BMP2K: variants seen among roughly 807,000 people sequenced by gnomAD.
BMP2K encodes BMP2 inducible kinase.
BMP2K carries 74 observed loss-of-function variants against 116.0 expected under a neutral mutation model. That is an observed-to-expected ratio of 0.64 (90% CI 0.53 to 0.77). The LOEUF is 0.77. BMP2K is among the 30% of genes least tolerant of loss of function. BMP2K has a pLI of 0.00. For missense variants in BMP2K, 1,365 were observed against 1,403.6 expected (o/e 0.97, Z 0.44); for synonymous variants, 486 against 502.5 (o/e 0.97, Z 0.44).
chr4:78,831,152 G>A (rs954282093), intron 2 of BMP2K, among the ~76,000 whole-genome samples: 5 of 152,184 alleles, frequency 3.3e-5, no homozygotes, highest in African/African-American at 1.2e-4. Flanking sequence ...CCTGAGGAAC[G>A]GCTAGCCGGT....
At chr4:78,797,268 A>C (rs2109947271) in intron 1 of BMP2K, among the ~76,000 whole-genome samples, 1 of 152,306 alleles carries the variant, frequency 6.6e-6, no homozygotes, top group South Asian at 2.1e-4. Context: ...TTGTTTCCAC[A>C]GATCGCATTC....
intron 1 of BMP2K, among the ~76,000 whole-genome samples, chr4:78,799,151 T>A (rs1199179805): frequency 6.6e-6 from 1 of 152,166 alleles, no homozygotes; most frequent in Non-Finnish European, 1.5e-5. Context: ...CCAATTTACA[T>A]TGACAGTTTA....
At chr4:78,903,989 T>C (rs1298052070) in intron 15 of BMP2K, among the ~76,000 whole-genome samples, 1 of 151,966 alleles carries the variant, frequency 6.6e-6, no homozygotes, top group Non-Finnish European at 1.5e-5. Flanking sequence ...AGGTCTCAGA[T>C]TTCTTACGTA....
intron 15 of BMP2K, among the ~76,000 whole-genome samples, chr4:78,905,077 A>G (rs1477817711): frequency 6.6e-6 from 1 of 151,816 alleles, no homozygotes; most frequent in Non-Finnish European, 1.5e-5. Context: ...TCTACTTAGT[A>G]TTATGTTTTG....
At chr4:78,842,712 A>G (rs977118417) in intron 4 of BMP2K, among the ~76,000 whole-genome samples, 185 bp downstream of exon 4, 2 of 151,970 alleles carry the variant, frequency 1.3e-5, no homozygotes, top group Non-Finnish European at 2.9e-5. Flanking sequence ...GACTTTGAGG[A>G]TTTCTAGCAT....
intron 1 of BMP2K, among the ~76,000 whole-genome samples, chr4:78,818,850 G>A (rs1376416123): frequency 6.7e-6 from 1 of 149,292 alleles, no homozygotes; most frequent in African/African-American, 2.5e-5. Flanking sequence ...AGGCTGGAGT[G>A]CAGTGGTATG....
chr4:78,833,349 G>T (rs1730300763), intron 2 of BMP2K, among the ~76,000 whole-genome samples: 1 of 152,096 alleles, frequency 6.6e-6, no homozygotes. Flanking sequence ...CATTTTCACA[G>T]TTCAATTTAA....
chr4:78,802,949 A>G (rs1365480461), intron 1 of BMP2K, among the ~76,000 whole-genome samples: 1 of 151,668 alleles, frequency 6.6e-6, no homozygotes, highest in African/African-American at 2.4e-5. Flanking sequence ...TCCCAGGTTT[A>G]TGCAGTTCTC....
In BMP2K at chr4:78,914,281, C is replaced by A. The variant is rs1185450260; in HGVS notation, c.*2248C>A. On this transcript the variant is annotated 3_prime_UTR_variant, in exon 16 of 16. Coordinates refer to ENST00000502613, the MANE Select transcript of BMP2K (RefSeq NM_198892.2). ...TAAATGATTCTGACACTGATGTAGACCCTTTGACTTATAAATTCTGAGGAA... is the reference window on the plus strand; with the variant it reads ...TAAATGATTCTGACACTGATGTAGAACCTTTGACTTATAAATTCTGAGGAA... The A allele has an allele frequency of 6.6e-6, 1 of 151,984 alleles. No homozygotes were observed. The highest frequency in any genetic ancestry group is 6.6e-5 in the Admixed American group (1 of 15,242). 9.4% of individuals were successfully genotyped at this position (151,984 alleles called of 1,614,324 possible). A position where few individuals can be genotyped will look rare whatever the true frequency, so the allele number is the denominator to read the frequency against.
chr4:78,904,053 T>C (rs1050935948), intron 15 of BMP2K, among the ~76,000 whole-genome samples: 3 of 151,950 alleles, frequency 2.0e-5, no homozygotes, highest in Admixed American at 6.6e-5. Flanking sequence ...TTTCAAGATA[T>C]AATTGGAATT....
chr4:78,898,684 C>T (rs1733838604), intron 15 of BMP2K, among the ~76,000 whole-genome samples: 1 of 150,346 alleles, frequency 6.7e-6, no homozygotes, highest in Non-Finnish European at 1.5e-5. Context: ...CATTGCTCCT[C>T]AAAGTGTGGT....
In BMP2K at chr4:78,861,083, G is replaced by C. The variant is rs964372251; in HGVS notation, c.988-306G>C. On this transcript the variant is annotated intron_variant, in intron 8 of 15. Coordinates refer to ENST00000502613, the MANE Select transcript of BMP2K (RefSeq NM_198892.2). ...AAATGTAAAATAGTTATTGATTTAC[G>C]AGTGTAATATAATCTTTCTTTTTAC... Among the ~76,000 whole-genome samples, 3 of 151,704 alleles carry C rather than the reference G, an allele frequency of 2.0e-5. No homozygotes were observed. The East Asian group carries it at 5.8e-4, about 29-fold the overall frequency.
At chr4:78,783,998 A>G (rs1222449363) in intron 1 of BMP2K, among the ~76,000 whole-genome samples, 1 of 152,136 alleles carries the variant, frequency 6.6e-6, no homozygotes, top group Non-Finnish European at 1.5e-5. Context: ...ATTTGTTAGT[A>G]TGTTTCATCA....
intron 1 of BMP2K, among the ~76,000 whole-genome samples, chr4:78,802,349 A>G (rs371608161): frequency 1.3e-5 from 2 of 152,166 alleles, no homozygotes; most frequent in Admixed American, 6.5e-5. Context: ...ATCTGCTTCC[A>G]TGATTATTTT....
chr4:78,844,275 A>G (rs763037678), intron 4 of BMP2K, among the ~76,000 whole-genome samples: 7 of 151,718 alleles, frequency 4.6e-5, no homozygotes, highest in Non-Finnish European at 7.4e-5. Context: ...AGATTGTCCA[A>G]GGGTCCATAT....
intron 15 of BMP2K, among the ~76,000 whole-genome samples, chr4:78,904,254 C>A (rs1435382841): frequency 1.3e-5 from 2 of 151,838 alleles, no homozygotes; most frequent in African/African-American, 4.8e-5. Flanking sequence ...TAAGAAAGAT[C>A]ATAGTAAACC....
chr4:78,801,423 C>T (rs1728564249), intron 1 of BMP2K, among the ~76,000 whole-genome samples: 1 of 151,252 alleles, frequency 6.6e-6, no homozygotes, highest in Non-Finnish European at 1.5e-5. Flanking sequence ...GTAAGATAAA[C>T]AGTGTAAGGC....
chr4:78,788,353 C>T (rs932726006), intron 1 of BMP2K, among the ~76,000 whole-genome samples: 6 of 150,316 alleles, frequency 4.0e-5, no homozygotes, highest in South Asian at 4.2e-4. Context: ...TTAACTGTTA[C>T]GTGCAGTAAT....
chr4:78,872,012 G>A (rs1190498580), intron 12 of BMP2K, 64 bp downstream of exon 12: 3 of 1,141,916 alleles, frequency 2.6e-6, no homozygotes, highest in Admixed American at 2.3e-5. Flanking sequence ...TTCACAGTAT[G>A]AATCATATTA....
Sources: gnomAD v4.1 joint callset for allele counts (sites outside exome capture counted in the v4.1 genomes callset) on GRCh38, gnomAD v4.1.1 for gene constraint, MANE v1.5 for transcripts, NCBI Gene and HGNC (gene_info 2026-07-23, HGNC 2026-07-21) for gene names.